Variants in CPS1 observed in about 807,000 individuals in gnomAD.
CPS1 encodes the protein carbamoyl-phosphate synthase 1.
In CPS1, 109 loss-of-function variants were observed where a neutral mutation model predicts 174.6. That is an observed-to-expected ratio of 0.62 (90% CI 0.53 to 0.73). The LOEUF (loss-of-function observed/expected upper bound fraction) is 0.73. Ranked by LOEUF, CPS1 falls within the 30% of genes least tolerant of loss-of-function variation. The probability of loss-of-function intolerance (pLI) is 0.00; values close to 1 mark genes in which losing one functional copy is unlikely to be tolerated. For synonymous variants in CPS1, 637 were observed against 632.0 expected, an observed-to-expected ratio of 1.01 and a Z score of -0.12; for missense variants, 1,689 against 1,821.9, an observed-to-expected ratio of 0.93 and a Z score of 1.33.
Position 210,674,560 on chromosome 2 carries a change from G to A in CPS1, c.4102-342G>A, listed in dbSNP as rs77039478. 28,068 of 268,806 alleles carry A rather than the reference G, an allele frequency of 0.1. 1,782 individuals carry two copies. The highest frequency in any genetic ancestry group is 0.13 in the Non-Finnish European group (17,222 of 137,614). 16.7% of individuals were successfully genotyped at this position (268,806 alleles called of 1,614,324 possible). On this transcript the variant is annotated intron_variant, in intron 34 of 37. Transcript: ENST00000233072. ...CTGACTCGGTACTGGCTCCTAACCC[G>A]CATATCTTTTAAGTCCTCCCTGACC...
intron 1 of CPS1, among the ~76,000 whole-genome samples, chr2:210,571,683 G>A (rs928318497): frequency 6.6e-6 from 1 of 151,956 alleles, no homozygotes; most frequent in Non-Finnish European, 1.5e-5. Context: ...AGAGACTTGG[G>A]TGCTTTGGAT....
At chr2:210,659,728 G>T (rs977275690) in intron 31 of CPS1, among the ~76,000 whole-genome samples, 1 of 152,190 alleles carries the variant, frequency 6.6e-6, no homozygotes, top group Non-Finnish European at 1.5e-5. Flanking sequence ...AGGTAAATTT[G>T]TAGAAAACTA....
chr2:210,535,814 T>C (rs926734324), intron 1 of CPS1, among the ~76,000 whole-genome samples: 8 of 136,590 alleles, frequency 5.9e-5, no homozygotes, highest in Non-Finnish European at 9.1e-5. Flanking sequence ...TCTCCCTTTT[T>C]CCTTGTTTTT....
chr2:210,487,941 A>C (rs142577546), intron 1 of CPS1, among the ~76,000 whole-genome samples: 2 of 152,290 alleles, frequency 1.3e-5, no homozygotes, highest in Non-Finnish European at 2.9e-5. Flanking sequence ...CCACAAAATC[A>C]GTTTTCTTGC....
chr2:210,542,639 C>T (rs551867418), intron 1 of CPS1, among the ~76,000 whole-genome samples: 1 of 151,964 alleles, frequency 6.6e-6, no homozygotes, highest in South Asian at 2.1e-4. Flanking sequence ...TATACTCTTT[C>T]TCTCATGCAA....
intron 1 of CPS1, among the ~76,000 whole-genome samples, chr2:210,484,581 C>A (rs191804369): frequency 5.3e-5 from 8 of 152,252 alleles, no homozygotes; most frequent in South Asian, 2.1e-4. Context: ...AACCATCAGG[C>A]CTCCCAGATA....
chr2:210,574,240 G>T (rs954825944), intron 2 of CPS1, among the ~76,000 whole-genome samples: 19 of 151,984 alleles, frequency 1.3e-4, no homozygotes, highest in Non-Finnish European at 2.5e-4. Context: ...AAACAATTAT[G>T]TGTCTTAAAA....
At chr2:210,627,835 C>T (rs1483686317) in intron 21 of CPS1, among the ~76,000 whole-genome samples, 1 of 152,128 alleles carries the variant, frequency 6.6e-6, no homozygotes, top group Non-Finnish European at 1.5e-5. Context: ...TCTCCTCCTG[C>T]TTCTTCTCTT....
At chr2:210,482,395 C>G (rs1380191943) in intron 1 of CPS1, among the ~76,000 whole-genome samples, 1 of 151,548 alleles carries the variant, frequency 6.6e-6, no homozygotes, top group Non-Finnish European at 1.5e-5. Flanking sequence ...AGCTCACTCT[C>G]GGGTTCCAGC....
intron 1 of CPS1, among the ~76,000 whole-genome samples, chr2:210,484,039 G>T (rs1694648098): frequency 6.6e-6 from 1 of 152,118 alleles, no homozygotes; most frequent in Non-Finnish European, 1.5e-5. Flanking sequence ...AACTGAATAA[G>T]CAAACAAATG....
intron 30 of CPS1, among the ~76,000 whole-genome samples, chr2:210,656,975 A>C (rs1471651961): frequency 1.3e-5 from 2 of 152,106 alleles, no homozygotes; most frequent in Non-Finnish European, 2.9e-5. Context: ...TGCGTTTTTC[A>C]CAAGTCCTAA....
chr2:210,646,707 G>C (rs1700386351), intron 25 of CPS1, among the ~76,000 whole-genome samples: 1 of 151,968 alleles, frequency 6.6e-6, no homozygotes, highest in South Asian at 2.1e-4. Flanking sequence ...TTAATGTTTA[G>C]TGTTTAGGCA....
At chr2:210,503,053 T>C (rs2105965028) in intron 1 of CPS1, among the ~76,000 whole-genome samples, 1 of 152,314 alleles carries the variant, frequency 6.6e-6, no homozygotes, top group African/African-American at 2.4e-5. Flanking sequence ...ATTGAGATCA[T>C]TGGCTTTGCT....
At chr2:210,488,761 T>C (rs1195769479) in intron 1 of CPS1, among the ~76,000 whole-genome samples, 2 of 152,204 alleles carry the variant, frequency 1.3e-5, no homozygotes, top group Admixed American at 1.3e-4. Context: ...AAAACTATGT[T>C]TACAGCTATG....
chr2:210,521,189 T>C (rs1695816149), intron 1 of CPS1, among the ~76,000 whole-genome samples: 1 of 152,030 alleles, frequency 6.6e-6, no homozygotes, highest in Non-Finnish European at 1.5e-5. Flanking sequence ...TGCATTTCTC[T>C]AATGGCTAAT....
intron 23 of CPS1, 67 bp downstream of exon 23, chr2:210,639,282 A>T: frequency 7.9e-7 from 1 of 1,262,604 alleles, no homozygotes; most frequent in Non-Finnish European, 1.2e-6. Flanking sequence ...ATTAGGGAAT[A>T]TATATTTTTT....
intron 1 of CPS1, among the ~76,000 whole-genome samples, chr2:210,528,140 C>T (rs1696022887): frequency 6.6e-6 from 1 of 151,778 alleles, no homozygotes; most frequent in African/African-American, 2.4e-5. Flanking sequence ...TACTCAATTG[C>T]TTGTTTAGTG....
At chr2:210,602,113 G>T in intron 15 of CPS1, 89 bp from the exon 16 acceptor site, 1 of 1,524,672 alleles carries the variant, frequency 6.6e-7, no homozygotes, top group Non-Finnish European at 9.0e-7. Flanking sequence ...ACATAAGTTG[G>T]TTTACCTGAT....
intron 5 of CPS1, among the ~76,000 whole-genome samples, chr2:210,582,389 G>T (rs1046371473): frequency 1.3e-5 from 2 of 152,108 alleles, no homozygotes; most frequent in South Asian, 4.1e-4. Context: ...TCAGGCAATG[G>T]TGTCAGCCCT....
Sources: gnomAD v4.1 joint callset for allele counts (sites outside exome capture counted in the v4.1 genomes callset) on GRCh38, gnomAD v4.1.1 for gene constraint, MANE v1.5 for transcripts, NCBI Gene and HGNC (gene_info 2026-07-23, HGNC 2026-07-21) for gene names.